Variants in TPO observed in about 807,000 individuals in gnomAD.
TPO encodes the protein thyroid peroxidase, also known as thyroid microsomal antigen.
TPO carries 78 observed loss-of-function variants against 96.9 expected under a neutral mutation model. The ratio of observed to expected loss-of-function variants is 0.81; its 90% CI spans 0.67 to 0.97. The LOEUF (loss-of-function observed/expected upper bound fraction) is 0.97, where lower values mean the gene tolerates loss of function less well. Among genes scored for constraint, TPO ranks in the 50% least tolerant of loss-of-function variants. The pLI, the probability that TPO is intolerant of heterozygous loss-of-function variation, is 0.00. For synonymous variants in TPO, 547 were observed against 538.0 expected (o/e 1.02, Z -0.23); for missense variants, 1,252 against 1,274.8 (o/e 0.98, Z 0.27).
At chr2:1,415,842 T>A (rs958265673) in intron 2 of TPO, among the ~76,000 whole-genome samples, 12 of 152,182 alleles carry the variant, frequency 7.9e-5, no homozygotes, top group Non-Finnish European at 1.6e-4. Flanking sequence ...GGGGGCCACA[T>A]TTTACCCCAA....
At chr2:1,500,109 T>G (rs575075930) in intron 13 of TPO, among the ~76,000 whole-genome samples, 1 of 152,166 alleles carries the variant, frequency 6.6e-6, no homozygotes, top group Non-Finnish European at 1.5e-5. Context: ...CACAGCAATG[T>G]GTACATTGGG....
At chr2:1,527,971 C>A (rs75163314) in intron 15 of TPO, among the ~76,000 whole-genome samples, 1 of 142,556 alleles carries the variant, frequency 7.0e-6, no homozygotes, top group African/African-American at 2.7e-5. Context: ...AAATACCCCA[C>A]TGCGTGCAAC....
intron 15 of TPO, among the ~76,000 whole-genome samples, chr2:1,537,811 TCCCCCCAC>T (rs1680177835): frequency 2.3e-5 from 1 of 43,022 alleles, no homozygotes; most frequent in Non-Finnish European, 4.3e-5. Context: ...TGTCCCCAAA[TCCCCCCAC>T]TGTGAGCAAC....
In TPO at chr2:1,456,213, A is replaced by G; in HGVS notation, c.750A>G (p.Lys250=). The G allele has an allele frequency of 1.2e-6, 2 of 1,614,152 alleles. No homozygotes were observed. The highest frequency in any genetic ancestry group is 8.5e-7 in the Non-Finnish European group (1 of 1,180,048). Residue 250 remains lysine, a synonymous_variant, in exon 7 of 17, where the codon AAA becomes AAG. Transcript: ENST00000329066. ...CGTTCACACCACAGAGCACCAGCAA[A>G]GCTGCCTTCGGGGGAGGGGCTGACT... ...DIAFTPQSTS[K]AAFGGGADCQ...
intron 15 of TPO, among the ~76,000 whole-genome samples, chr2:1,517,940 T>TCC (rs28913017): frequency 7.9e-4 from 118 of 150,152 alleles, no homozygotes; most frequent in African/African-American, 2.5e-3. Context: ...AGTGCCAGGC[T>TCC]CCCCCCCCCA....
In TPO at chr2:1,516,939, A is replaced by G. The variant is rs753144060; in HGVS notation, c.2575A>G (p.Ile859Val). Residue 859 changes from isoleucine to valine, a missense_variant, in exon 15 of 17, where the codon ATC (isoleucine) becomes GTC (valine). Ile to Val is a conservative substitution (Grantham distance 29). Coordinates refer to ENST00000329066, the MANE Select transcript of TPO (RefSeq NM_001206744.2). ...CTCCATGTCGCTGGCTGCTCTGCTG[A>G]TCGGAGGCTTCGCAGGTCTCACCTC... Reference protein sequence around the residue: ...WISMSLAALLIGGFAGLTSTV... With the variant: ...WISMSLAALLVGGFAGLTSTV... The G allele has an allele frequency of 6.2e-7, 1 of 1,613,982 alleles. No homozygotes were observed. The highest frequency in any genetic ancestry group is 8.5e-7 in the Non-Finnish European group (1 of 1,180,036).
intron 7 of TPO, among the ~76,000 whole-genome samples, chr2:1,467,481 G>T: frequency 6.6e-6 from 1 of 152,134 alleles, no homozygotes; most frequent in Non-Finnish European, 1.5e-5. Context: ...TAATTTCCAT[G>T]TATTTGCATG....
At chr2:1,422,304 C>CCGCG (rs1663659929) in intron 2 of TPO, among the ~76,000 whole-genome samples, 2 of 60,618 alleles carry the variant, frequency 3.3e-5, no homozygotes, top group South Asian at 1.2e-3. Flanking sequence ...CCCGCAGGCG[C>CCGCG]CTCTCCTGGA....
At position 1,516,875 on chromosome 2, in the gene TPO, T is replaced by A. The variant is rs1209492104; in HGVS notation, c.2519-8T>A. On this transcript the variant is annotated splice_polypyrimidine_tract_variant and splice_region_variant and intron_variant, in intron 14 of 16. Transcript: ENST00000329066. ...GTTCTTCTAACCAGGCCTCTTTCTG[T>A]GCCCCAGACTCCGGGAGGCTCCCTC... 1 of 1,613,724 alleles carries A rather than the reference T, an allele frequency of 6.2e-7. No homozygotes were observed. The highest frequency in any genetic ancestry group is 2.2e-5 in the East Asian group (1 of 44,874).
In TPO at chr2:1,477,103, G is replaced by C; in HGVS notation, c.837G>C (p.Arg279=). ...CFPIQLPEEA[R]PAAGTACLPF... ...GCCTGCAGCTCCCGGAGGAGGCCCG[G>C]CCGGCCGCGGGCACCGCCTGTCTGC... is the stretch of plus-strand genomic sequence containing the variant. Residue 279 remains arginine (R), a synonymous_variant, in exon 8 of 17, where the codon CGG becomes CGC. Transcript: ENST00000329066. The C allele has an allele frequency of 6.2e-7, 1 of 1,605,368 alleles. No individual in the cohort carries two copies. Among genetic ancestry groups the C allele is most frequent in the Non-Finnish European group, 8.5e-7 (1 of 1,178,022 alleles).
intron 14 of TPO, among the ~76,000 whole-genome samples, chr2:1,515,306 C>CA (rs964282535): frequency 5.9e-5 from 9 of 152,214 alleles, no homozygotes; most frequent in African/African-American, 1.7e-4. Context: ...ATCCCAGGGC[C>CA]AGCAAGCAGC....
chr2:1,443,231 G>A (rs1666368423), intron 5 of TPO, among the ~76,000 whole-genome samples: 1 of 152,004 alleles, frequency 6.6e-6, no homozygotes, highest in South Asian at 2.1e-4. Context: ...TGAAGGGAAT[G>A]GGGCAGGCTC....
intron 7 of TPO, among the ~76,000 whole-genome samples, chr2:1,465,727 G>T (rs1169246307): frequency 6.6e-6 from 1 of 152,108 alleles, no homozygotes; most frequent in Non-Finnish European, 1.5e-5. Context: ...AAGAGCTACT[G>T]ATTTCTGTAC....
In TPO at chr2:1,508,788, T is replaced by G. The variant is rs1244521818; in HGVS notation, c.2518+4709T>G. On this transcript the variant is annotated intron_variant, in intron 14 of 16. Coordinates refer to ENST00000329066, the MANE Select transcript of TPO (RefSeq NM_001206744.2). ...GATTCTTCTCTCTTTTCTTCTTTAT[T>G]AGTCTTGCTAGCGGTCTATCAATTT... 3.3e-5 allele frequency among the ~76,000 whole-genome samples: 5 copies of G among 152,216 alleles called. No individual in the cohort carries two copies. The East Asian group carries it at 9.6e-4, about 29-fold the overall frequency.
intron 3 of TPO, among the ~76,000 whole-genome samples, chr2:1,425,397 A>T (rs112284037): frequency 0.018 from 2,722 of 151,762 alleles, no homozygotes; most frequent in African/African-American, 0.061. Flanking sequence ...GCGTTAGATC[A>T]TTTCATATTC....
Position 1,542,558 on chromosome 2 carries a change from A to C in TPO, c.*84A>C, listed in dbSNP as rs569481019. The C allele has an allele frequency of 3.7e-5, 59 of 1,590,672 alleles. No individual in the cohort carries two copies. In the South Asian group the frequency reaches 6.5e-4, roughly 18 times the overall value. ...CTTTTCCAAACACAGGCAAATCCGAAATCAGCAGGACGACTGTTTTCCCAA... is the reference window on the plus strand; with the variant it reads ...CTTTTCCAAACACAGGCAAATCCGACATCAGCAGGACGACTGTTTTCCCAA... On this transcript the variant is annotated 3_prime_UTR_variant, in exon 17 of 17. Transcript: ENST00000329066.
intron 13 of TPO, among the ~76,000 whole-genome samples, chr2:1,498,244 T>C (rs1672550300): frequency 6.6e-6 from 1 of 152,228 alleles, no homozygotes; most frequent in Non-Finnish European, 1.5e-5. Flanking sequence ...AGACCCTGTG[T>C]GCACCAGAGA....
intron 1 of TPO, among the ~76,000 whole-genome samples, chr2:1,385,157 G>T (rs1661870697): frequency 6.6e-6 from 1 of 152,154 alleles, no homozygotes; most frequent in African/African-American, 2.4e-5. Flanking sequence ...CAGGGATATT[G>T]GTCTAAAATT....
At chr2:1,426,387 C>T (rs1037115056) in intron 3 of TPO, among the ~76,000 whole-genome samples, 27 of 149,884 alleles carry the variant, frequency 1.8e-4, no homozygotes, top group African/African-American at 5.1e-4. Flanking sequence ...TTCTAGATGC[C>T]GGGATACAGA....
Sources: gnomAD v4.1 joint callset for allele counts (sites outside exome capture counted in the v4.1 genomes callset) on GRCh38, gnomAD v4.1.1 for gene constraint, MANE v1.5 for transcripts, NCBI Gene and HGNC (gene_info 2026-07-23, HGNC 2026-07-21) for gene names.